PIK3CD: variants seen among roughly 807,000 people sequenced by gnomAD.
PIK3CD encodes phosphatidylinositol 4,5-bisphosphate 3-kinase catalytic subunit delta isoform.
A neutral mutation model predicts 122.9 loss-of-function variants in PIK3CD; 20 were observed. The ratio of observed to expected loss-of-function variants is 0.16; its 90% CI spans 0.11 to 0.24. The LOEUF (loss-of-function observed/expected upper bound fraction) is 0.24, where lower values mean the gene tolerates loss of function less well. PIK3CD is among the 10% of genes least tolerant of loss of function. The pLI, the probability that PIK3CD is intolerant of heterozygous loss-of-function variation, is 1.00. For missense variants in PIK3CD, 787 were observed against 1,406.3 expected (o/e 0.56, Z 7.04); for synonymous variants, 596 against 593.4 (o/e 1.00, Z -0.06).
At chr1:9,654,387 G>A (rs773335772) in intron 1 of PIK3CD, 13 of 1,367,576 alleles carry the variant, frequency 9.5e-6, no homozygotes, top group South Asian at 3.4e-5. Context: ...GAGATCACAC[G>A]GGGTGCCAGG....
intron 1 of PIK3CD, among the ~76,000 whole-genome samples, chr1:9,681,734 A>G (rs4333853): frequency 0.54 from 82,835 of 152,020 alleles, 23,120 homozygotes; most frequent in African/African-American, 0.68. Context: ...ATCTAATGTT[A>G]AAGGTGCTAT....
chr1:9,696,327 C>G lies in PIK3CD; in HGVS notation c.-33+4756C>G, dbSNP rs573040387. Reference sequence around the variant, plus strand: ...AAATTTGACAGTGGGGTGGCTCGTGCCTGTAATCCCAACACTTTGGAGCCC... The same window carrying G: ...AAATTTGACAGTGGGGTGGCTCGTGGCTGTAATCCCAACACTTTGGAGCCC... On this transcript the variant is annotated intron_variant, in intron 2 of 23. Coordinates refer to ENST00000377346, the MANE Select transcript of PIK3CD (RefSeq NM_005026.5). 8.3e-4 allele frequency among the ~76,000 whole-genome samples: 126 copies of G among 152,154 alleles called. 1 individual carries two copies. The South Asian group carries it at 8.5e-3, about 10-fold the overall frequency.
chr1:9,643,052 C>T, the PIK3CD span, among the ~76,000 whole-genome samples: 11 of 151,534 alleles, frequency 7.3e-5, no homozygotes, highest in African/African-American at 2.7e-4. Context: ...GCACTCCAGC[C>T]TGGGGAACAA....
chr1:9,720,183 C>T lies in PIK3CD; in HGVS notation c.1411C>T (p.Leu471=). 1 of 1,612,262 alleles carries T rather than the reference C, an allele frequency of 6.2e-7. No homozygotes were observed. The highest frequency in any genetic ancestry group is 1.3e-5 in the African/African-American group (1 of 75,038). Reference sequence around the variant, plus strand: ...CCCCAACACGGATAGCGCCGCTGCCCTGCTCATCTGCCTGCCCGAGGTGGC... The same window carrying T: ...CCCCAACACGGATAGCGCCGCTGCCTTGCTCATCTGCCTGCCCGAGGTGGC... ...SNPNTDSAAA[L]LICLPEVAPH... is the part of the protein sequence containing the mutation. Residue 471 remains leucine (L), a synonymous_variant, in exon 11 of 24, where the codon CTG becomes TTG. Transcript: ENST00000377346. The surrounding 1 kb of genome is among the most constrained non-coding windows in gnomAD (Gnocchi z 9.0).
the PIK3CD span, among the ~76,000 whole-genome samples, chr1:9,633,980 T>A: frequency 1.6e-3 from 242 of 151,910 alleles, 1 homozygote; most frequent in Middle Eastern, 3.4e-3. Flanking sequence ...TTTTCCTTTT[T>A]TTCTTTTTTT....
At chr1:9,681,571 GT>G (rs2100240000) in intron 1 of PIK3CD, among the ~76,000 whole-genome samples, 1 of 152,104 alleles carries the variant, frequency 6.6e-6, no homozygotes, top group East Asian at 1.9e-4. Context: ...TGCGCCACTA[GT>G]TTCTGTATTT....
the PIK3CD span, among the ~76,000 whole-genome samples, chr1:9,632,269 C>G: frequency 1.3e-5 from 2 of 152,144 alleles, no homozygotes; most frequent in Admixed American, 1.3e-4. Context: ...GCCTCTGCCT[C>G]CTAAAGTGCT....
At position 9,727,440 on chromosome 1, in the gene PIK3CD, C is replaced by A; in HGVS notation, c.*394C>A. On this transcript the variant is annotated 3_prime_UTR_variant, in exon 24 of 24. Transcript: ENST00000377346. ...CGGTCACCTGGTGCCTACTGTCCGACAGGATGCCTTGATCCTCGTGCGACC... is the reference window on the plus strand; with the variant it reads ...CGGTCACCTGGTGCCTACTGTCCGAAAGGATGCCTTGATCCTCGTGCGACC... The A allele has an allele frequency of 2.5e-6, 1 of 407,004 alleles. No homozygotes were observed. Among genetic ancestry groups the A allele is most frequent in the Non-Finnish European group, 4.6e-6 (1 of 215,142 alleles). 25.2% of individuals were successfully genotyped at this position (407,004 alleles called of 1,614,324 possible). A position where few individuals can be genotyped will look rare whatever the true frequency, so the allele number is the denominator to read the frequency against.
chr1:9,692,679 G>A (rs992761350), intron 2 of PIK3CD, among the ~76,000 whole-genome samples: 10 of 151,766 alleles, frequency 6.6e-5, no homozygotes, highest in African/African-American at 1.5e-4. Context: ...GCAGTGAGCC[G>A]AGATCACACC....
At chr1:9,725,071 A>C (rs1649300597) in intron 23 of PIK3CD, 135 bp downstream of exon 23, 2 of 1,154,276 alleles carry the variant, frequency 1.7e-6, no homozygotes, top group Admixed American at 2.0e-5. Context: ...CCGTCCCAGG[A>C]CCCAGCAGTG....
At chr1:9,644,528 TAAA>T in the PIK3CD span, among the ~76,000 whole-genome samples, 1 of 150,442 alleles carries the variant, frequency 6.6e-6, no homozygotes, top group South Asian at 2.1e-4. Flanking sequence ...AATAAATAAA[TAAA>T]TAAATAAATA....
At chr1:9,644,474 C>T in the PIK3CD span, among the ~76,000 whole-genome samples, 5 of 149,602 alleles carry the variant, frequency 3.3e-5, no homozygotes, top group African/African-American at 9.9e-5. Context: ...GCCGAGATCT[C>T]ACCACTGCAT....
Position 9,724,155 on chromosome 1 carries a change from C to G in PIK3CD, c.2718+63C>G. The G allele has an allele frequency of 6.2e-7, 1 of 1,613,770 alleles. No homozygotes were observed. Among genetic ancestry groups the G allele is most frequent in the East Asian group, 2.2e-5 (1 of 44,870 alleles). On this transcript the variant is annotated intron_variant, in intron 21 of 23. Coordinates refer to ENST00000377346, the MANE Select transcript of PIK3CD (RefSeq NM_005026.5). The surrounding 1 kb of genome is among the most constrained non-coding windows in gnomAD (Gnocchi z 7.3). The stretch of plus-strand genomic sequence containing the variant: ...GGCTTCTGGCCCCAGCCTGCTGGCC[C>G]CTCTGCCTAGCACACAGCTCTGTGG...
At chr1:9,684,207 C>T (rs1050718880) in intron 1 of PIK3CD, among the ~76,000 whole-genome samples, 1 of 152,074 alleles carries the variant, frequency 6.6e-6, no homozygotes, top group African/African-American at 2.4e-5. Context: ...CCTGCAACCA[C>T]GAGCCACACG....
chr1:9,696,442 A>G (rs1457099833), intron 2 of PIK3CD, among the ~76,000 whole-genome samples: 1 of 151,052 alleles, frequency 6.6e-6, no homozygotes, highest in Non-Finnish European at 1.5e-5. Context: ...ATAATAATAA[A>G]ATTTAAAAAT....
intron 1 of PIK3CD, chr1:9,653,651 G>C (rs549466633): frequency 2.1e-6 from 1 of 473,338 alleles, no homozygotes; most frequent in South Asian, 1.8e-5. Flanking sequence ...TGTGTTGAGT[G>C]GGGCGGAAGG....
chr1:9,628,105 C>G, the PIK3CD span, among the ~76,000 whole-genome samples: 1 of 152,038 alleles, frequency 6.6e-6, no homozygotes, highest in African/African-American at 2.4e-5. Context: ...CAGTTTGAGA[C>G]CAGCCTGGCC....
intron 3 of PIK3CD, among the ~76,000 whole-genome samples, chr1:9,711,196 C>G (rs550433791): frequency 2.6e-5 from 4 of 151,396 alleles, no homozygotes; most frequent in Non-Finnish European, 2.9e-5. Flanking sequence ...CAGGCTCAAG[C>G]AGTTCTCGTG....
chr1:9,654,351 G>C lies in PIK3CD; in HGVS notation c.-138+2549G>C, dbSNP rs776349186. 5.1e-6 allele frequency: 7 copies of C among 1,367,584 alleles called. No homozygotes were observed. The African/African-American group carries it at 8.9e-5, about 17-fold the overall frequency. 84.7% of individuals were successfully genotyped at this position (1,367,584 alleles called of 1,614,324 possible). ...AAGCTGTGGGCTCCGTTTCTCCTCC[G>C]ATACCATGTTTAGCAAGTGTTTCCT... On this transcript the variant is annotated intron_variant, in intron 1 of 23. Transcript: ENST00000377346.
Sources: allele counts gnomAD v4.1 joint callset (sites outside exome capture counted in the v4.1 genomes callset), GRCh38; gene constraint gnomAD v4.1.1; non-coding constraint Gnocchi (gnomAD v3.1); transcripts MANE v1.5; gene names NCBI Gene and HGNC (gene_info 2026-07-23, HGNC 2026-07-21).